Variants in ADCY2 observed in about 807,000 individuals in gnomAD.
The protein encoded by ADCY2 is adenylate cyclase 2.
In ADCY2, 31 loss-of-function variants were observed where a neutral mutation model predicts 125.2. The observed-to-expected ratio is 0.25, with a 90% CI of 0.19 to 0.33. ADCY2 has a LOEUF of 0.33. Among genes scored for constraint, ADCY2 ranks in the 10% least tolerant of loss-of-function variants. The probability of loss-of-function intolerance (pLI) is 1.00; values close to 1 mark genes in which losing one functional copy is unlikely to be tolerated. For synonymous variants in ADCY2, 512 were observed against 548.4 expected, an observed-to-expected ratio of 0.93 and a Z score of 0.93; for missense variants, 904 against 1,418.2, an observed-to-expected ratio of 0.64 and a Z score of 5.82.
intron 2 of ADCY2, among the ~76,000 whole-genome samples, chr5:7,495,673 C>T (rs1163874688): frequency 1.3e-5 from 2 of 152,320 alleles, no homozygotes; most frequent in East Asian, 1.9e-4. Flanking sequence ...CAGTTGGTCT[C>T]ATTACAAGTA....
chr5:7,415,289 A>G (rs559334410), intron 2 of ADCY2, among the ~76,000 whole-genome samples: 1 of 152,354 alleles, frequency 6.6e-6, no homozygotes, highest in East Asian at 1.9e-4. Context: ...CTTTTGAAAT[A>G]GCTGTCTTTG....
chr5:7,564,286 A>G (rs935431441), intron 3 of ADCY2, among the ~76,000 whole-genome samples: 5 of 152,200 alleles, frequency 3.3e-5, no homozygotes, highest in Admixed American at 1.3e-4. Context: ...TAGGTTAAGG[A>G]GATGGCAAAT....
At chr5:7,495,114 G>C (rs571579247) in intron 2 of ADCY2, among the ~76,000 whole-genome samples, 1 of 152,152 alleles carries the variant, frequency 6.6e-6, no homozygotes, top group Non-Finnish European at 1.5e-5. Context: ...TTAATATCCT[G>C]GTGACTATCT....
intron 4 of ADCY2, among the ~76,000 whole-genome samples, chr5:7,634,554 A>G (rs2126667142): frequency 6.6e-6 from 1 of 152,336 alleles, no homozygotes; most frequent in African/African-American, 2.4e-5. Flanking sequence ...TCAGAATGCA[A>G]TGCAAGAGGC....
intron 3 of ADCY2, among the ~76,000 whole-genome samples, chr5:7,526,867 C>A (rs1241246948): frequency 1.3e-5 from 2 of 152,124 alleles, no homozygotes; most frequent in African/African-American, 4.8e-5. Flanking sequence ...ATTTAATTAT[C>A]AGAAAACTTA....
At chr5:7,655,990 T>G (rs1739309446) in intron 4 of ADCY2, among the ~76,000 whole-genome samples, 1 of 152,046 alleles carries the variant, frequency 6.6e-6, no homozygotes. Context: ...GGAAAGCAGT[T>G]GATACAGCAC....
At chr5:7,434,047 T>A (rs1431341436) in intron 2 of ADCY2, among the ~76,000 whole-genome samples, 2 of 152,194 alleles carry the variant, frequency 1.3e-5, no homozygotes, top group African/African-American at 4.8e-5. Flanking sequence ...AATCTCCTCA[T>A]GACGTCAATA....
chr5:7,693,095 C>G (rs1740757229), intron 5 of ADCY2, among the ~76,000 whole-genome samples: 1 of 152,162 alleles, frequency 6.6e-6, no homozygotes, highest in Non-Finnish European at 1.5e-5. Context: ...CAATGCTTCC[C>G]TCTCCCACAC....
At chr5:7,812,113 G>A (rs767448685) in intron 22 of ADCY2, among the ~76,000 whole-genome samples, 24 of 152,130 alleles carry the variant, frequency 1.6e-4, no homozygotes, top group South Asian at 1.2e-3. Context: ...TACAGAGACC[G>A]TCCCTGCCAG....
At chr5:7,449,899 T>G (rs1170891879) in intron 2 of ADCY2, among the ~76,000 whole-genome samples, 1 of 152,200 alleles carries the variant, frequency 6.6e-6, no homozygotes, top group African/African-American at 2.4e-5. Flanking sequence ...CTGTGACCCA[T>G]GATCTTTGAT....
At chr5:7,714,683 C>A (rs1223297356) in intron 11 of ADCY2, among the ~76,000 whole-genome samples, 1 of 152,242 alleles carries the variant, frequency 6.6e-6, no homozygotes, top group African/African-American at 2.4e-5. Context: ...AAGGCCTCTT[C>A]CATATTTATT....
At chr5:7,511,796 G>A (rs866756351) in intron 2 of ADCY2, among the ~76,000 whole-genome samples, 1 of 152,134 alleles carries the variant, frequency 6.6e-6, no homozygotes, top group Non-Finnish European at 1.5e-5. Flanking sequence ...GAGGGCCGGT[G>A]TAGAGGGAGT....
chr5:7,414,881 C>A, intron 2 of ADCY2, 111 bp downstream of exon 2: 1 of 868,970 alleles, frequency 1.2e-6, no homozygotes. Flanking sequence ...TAACTGAGAG[C>A]AGAGTCTATT....
chr5:7,647,993 G>C (rs566946716), intron 4 of ADCY2, among the ~76,000 whole-genome samples: 2 of 152,192 alleles, frequency 1.3e-5, no homozygotes, highest in African/African-American at 4.8e-5. Flanking sequence ...ATTTAAATGC[G>C]CTCTGGACTT....
intron 2 of ADCY2, among the ~76,000 whole-genome samples, chr5:7,433,816 G>A (rs1243497333): frequency 6.6e-6 from 1 of 151,948 alleles, no homozygotes; most frequent in Non-Finnish European, 1.5e-5. Flanking sequence ...GAACAGGAGG[G>A]AGTACTTGAT....
At chr5:7,421,084 C>T (rs114625372) in intron 2 of ADCY2, among the ~76,000 whole-genome samples, 2 of 152,196 alleles carry the variant, frequency 1.3e-5, no homozygotes, top group Non-Finnish European at 2.9e-5. Flanking sequence ...GTGGCGCCCA[C>T]CAGTCCCACC....
chr5:7,718,145 ATTTTTT>A (rs59353850), intron 12 of ADCY2, among the ~76,000 whole-genome samples: 1 of 115,418 alleles, frequency 8.7e-6, no homozygotes, highest in Non-Finnish European at 1.7e-5. Flanking sequence ...CCTGTTTTAG[ATTTTTT>A]TTTTTTTTTT....
intron 20 of ADCY2, chr5:7,795,135 C>A (rs1474353216): frequency 1.3e-5 from 2 of 152,214 alleles, no homozygotes; most frequent in African/African-American, 4.8e-5. Flanking sequence ...TGACTGAGAG[C>A]AAAGCATCTG....
At position 7,709,694 on chromosome 5, in the gene ADCY2, T is replaced by C. The variant is rs902107500; in HGVS notation, c.1578+307T>C. 2.6e-5 allele frequency among the ~76,000 whole-genome samples: 4 copies of C among 152,216 alleles called. No homozygotes were observed. Among genetic ancestry groups the C allele is most frequent in the African/African-American group, 9.7e-5 (4 of 41,446 alleles). ...AATTGAGGGGTTTTTTAAGAAAAAC[T>C]TCTATCATGAAGTAGAAAGCCTTGA... On this transcript the variant is annotated intron_variant, in intron 10 of 24. Transcript: ENST00000338316. This position sits in a 1 kb window ranked among gnomAD's most constrained non-coding sequence, Gnocchi z 4.4.
Sources: gnomAD v4.1 joint callset for allele counts (sites outside exome capture counted in the v4.1 genomes callset) on GRCh38, gnomAD v4.1.1 for gene constraint, Gnocchi (gnomAD v3.1) non-coding constraint, MANE v1.5 for transcripts, NCBI Gene and HGNC (gene_info 2026-07-23, HGNC 2026-07-21) for gene names.